LAP3: variants seen among roughly 807,000 people sequenced by gnomAD.
LAP3 encodes the protein cytosol aminopeptidase.
LAP3 carries 46 observed loss-of-function variants against 58.8 expected under a neutral mutation model. That is an observed-to-expected ratio of 0.78 (90% CI 0.62 to 1.00). LAP3 has a LOEUF of 1.00. Among genes scored for constraint, LAP3 ranks in the 50% least tolerant of loss-of-function variants. LAP3 has a pLI of 0.00. For missense variants in LAP3, 615 were observed against 659.1 expected (o/e 0.93, Z 0.73); for synonymous variants, 257 against 237.7 (o/e 1.08, Z -0.75).
chr4:17,593,137 ATATCTTCTGTAGTAAGG>A (rs1179957646), intron 7 of LAP3, among the ~76,000 whole-genome samples: 1 of 152,208 alleles, frequency 6.6e-6, no homozygotes, highest in Non-Finnish European at 1.5e-5. Flanking sequence ...GGACATTGGT[ATATCTTCTGTAGTAAGG>A]TATTCAAATC....
intron 10 of LAP3, among the ~76,000 whole-genome samples, chr4:17,598,795 C>T (rs1004235916): frequency 3.9e-5 from 6 of 152,110 alleles, no homozygotes; most frequent in Non-Finnish European, 7.4e-5. Context: ...CTCTGTCATC[C>T]AGGCTGGAGT....
At chr4:17,602,135 A>G (rs900499729) in intron 10 of LAP3, among the ~76,000 whole-genome samples, 6 of 152,178 alleles carry the variant, frequency 3.9e-5, no homozygotes, top group Admixed American at 1.3e-4. Context: ...CTGACATTCC[A>G]TATGTGTGTC....
Position 17,604,622 on chromosome 4 carries a change from T to C in LAP3, c.1215T>C (p.Thr405=), listed in dbSNP as rs1165171178. 1 of 1,614,096 alleles carries C rather than the reference T, an allele frequency of 6.2e-7. No homozygotes were observed. ...AMDVALGSGA[T]GVFTNSSWLW... ...ATGTAGCTTTGGGATCAGGTGCCAC[T>C]GGGGTCTTTACCAATTCATCCTGGC... Residue 405 remains threonine, a synonymous_variant, in exon 11 of 13, where the codon ACT becomes ACC. Coordinates refer to ENST00000226299, the MANE Select transcript of LAP3 (RefSeq NM_015907.3).
intron 6 of LAP3, among the ~76,000 whole-genome samples, chr4:17,588,070 C>A (rs1165726980): frequency 6.6e-6 from 1 of 151,886 alleles, no homozygotes; most frequent in African/African-American, 2.4e-5. Flanking sequence ...GCTATGTTGC[C>A]CAGGTTGGGT....
chr4:17,578,088 T>G (rs1350234918), intron 1 of LAP3, among the ~76,000 whole-genome samples: 2 of 152,266 alleles, frequency 1.3e-5, no homozygotes, highest in East Asian at 3.9e-4. Flanking sequence ...ATTAAGAGCA[T>G]CTTCCAGAAG....
chr4:17,583,405 T>G, intron 4 of LAP3, 78 bp from the exon 5 acceptor site: 4 of 1,520,974 alleles, frequency 2.6e-6, no homozygotes, highest in Non-Finnish European at 3.6e-6. Flanking sequence ...TCTCAGCACA[T>G]CACATCATGC....
intron 7 of LAP3, among the ~76,000 whole-genome samples, chr4:17,590,837 T>TG (rs1196412852): frequency 6.6e-6 from 1 of 151,798 alleles, no homozygotes; most frequent in Non-Finnish European, 1.5e-5. Context: ...CCTGAACTGC[T>TG]GGGATTACAG....
At chr4:17,598,245 C>A (rs988428747) in intron 9 of LAP3, among the ~76,000 whole-genome samples, 1 of 152,218 alleles carries the variant, frequency 6.6e-6, no homozygotes, top group East Asian at 1.9e-4. Context: ...GCTGTCTGCC[C>A]ACCTCTACCT....
chr4:17,577,552 C>G lies in LAP3; in HGVS notation c.87C>G (p.Thr29=). Residue 29 remains threonine (T), a synonymous_variant, in exon 1 of 13, where the codon ACC becomes ACG. Transcript: ENST00000226299. ...GTTTCGGGAGCCGGAGTCTCTCCAC[C>G]GCAGACATGACGAAGGTGAGAGGCG... is the stretch of plus-strand genomic sequence containing the variant. ...VRRFGSRSLS[T]ADMTKGLVLG... The G allele has an allele frequency of 6.4e-7, 1 of 1,564,410 alleles. No homozygotes were observed. The highest frequency in any genetic ancestry group is 8.7e-7 in the Non-Finnish European group (1 of 1,155,866).
At chr4:17,604,513 G>T in intron 10 of LAP3, 75 bp from the exon 11 acceptor site, 1 of 999,968 alleles carries the variant, frequency 1.0e-6, no homozygotes, top group Non-Finnish European at 1.6e-6. Flanking sequence ...ACATGCTAAG[G>T]TTTCCATCTG....
chr4:17,583,328 A>G (rs377198374), intron 4 of LAP3, 155 bp from the exon 5 acceptor site: 2 of 784,070 alleles, frequency 2.6e-6, no homozygotes, highest in African/African-American at 1.7e-5. Flanking sequence ...TCTTCATTTT[A>G]CAGAAGAGGA....
chr4:17,587,077 G>T (rs1384530472), intron 6 of LAP3, among the ~76,000 whole-genome samples: 1 of 152,224 alleles, frequency 6.6e-6, no homozygotes, highest in East Asian at 1.9e-4. Context: ...CTGCACTCCA[G>T]CCTGGGCGAC....
In LAP3 at chr4:17,584,547, A is replaced by G. The variant is rs1055171776; in HGVS notation, c.540-425A>G. Among the ~76,000 whole-genome samples, 7 of 152,386 alleles carry G rather than the reference A, an allele frequency of 4.6e-5. No individual in the cohort carries two copies. The East Asian group carries it at 1.3e-3, about 29-fold the overall frequency. On this transcript the variant is annotated intron_variant, in intron 5 of 12. Coordinates refer to ENST00000226299, the MANE Select transcript of LAP3 (RefSeq NM_015907.3). ...CAAAAAGGTCTTCAGTTGCCACGTT[A>G]GAGCCATTGCCATACGCTTGCTTTG... is the stretch of plus-strand genomic sequence containing the variant.
intron 10 of LAP3, among the ~76,000 whole-genome samples, chr4:17,603,608 G>A (rs529074307): frequency 6.6e-6 from 1 of 151,096 alleles, no homozygotes; most frequent in Non-Finnish European, 1.5e-5. Context: ...CCAGGTTCAA[G>A]CGGTTCAAGC....
intron 6 of LAP3, 74 bp from the exon 7 acceptor site, chr4:17,588,743 ACT>A: frequency 7.2e-7 from 1 of 1,384,720 alleles, no homozygotes. Context: ...TTTTTCACAC[ACT>A]GTGATGAGCT....
At chr4:17,581,180 A>G (rs1713350635) in intron 2 of LAP3, among the ~76,000 whole-genome samples, 1 of 152,214 alleles carries the variant, frequency 6.6e-6, no homozygotes. Flanking sequence ...TCGGGTATCC[A>G]GTCTGTGGAG....
intron 5 of LAP3, among the ~76,000 whole-genome samples, 179 bp downstream of exon 5, chr4:17,583,821 G>A (rs1713430465): frequency 6.6e-6 from 1 of 152,114 alleles, no homozygotes; most frequent in East Asian, 1.9e-4. Context: ...TCTGCTCCTG[G>A]CTCTCGGCAT....
intron 11 of LAP3, among the ~76,000 whole-genome samples, 162 bp downstream of exon 11, chr4:17,604,829 T>C (rs564977445): frequency 1.3e-4 from 20 of 152,250 alleles, no homozygotes; most frequent in African/African-American, 4.6e-4. Flanking sequence ...TTCAGTGGCA[T>C]TGGGTTTTCC....
chr4:17,587,831 CAG>C (rs752547975), intron 6 of LAP3, among the ~76,000 whole-genome samples: 84 of 152,136 alleles, frequency 5.5e-4, no homozygotes, highest in Non-Finnish European at 9.3e-4. Context: ...CTGTGAGAAA[CAG>C]TGTGTGACAA....
Sources: gnomAD v4.1 joint callset for allele counts (sites outside exome capture counted in the v4.1 genomes callset) on GRCh38, gnomAD v4.1.1 for gene constraint, MANE v1.5 for transcripts, NCBI Gene and HGNC (gene_info 2026-07-23, HGNC 2026-07-21) for gene names.